LMAN2L: variants seen among roughly 807,000 people sequenced by gnomAD.
LMAN2L encodes lectin, mannose binding 2 like, also known as VIP36-like protein.
A neutral mutation model predicts 44.3 loss-of-function variants in LMAN2L; 30 were observed. The observed-to-expected ratio is 0.68, with a 90% CI of 0.51 to 0.92. LMAN2L has a LOEUF of 0.92. LMAN2L is among the 40% of genes least tolerant of loss of function. The pLI, the probability that LMAN2L is intolerant of heterozygous loss-of-function variation, is 0.00. For missense variants in LMAN2L, 429 were observed against 446.1 expected, an observed-to-expected ratio of 0.96 and a Z score of 0.35; for synonymous variants, 183 against 171.1, an observed-to-expected ratio of 1.07 and a Z score of -0.54.
chr2:96,728,043 G>A (rs902556151), intron 4 of LMAN2L, among the ~76,000 whole-genome samples: 1 of 152,196 alleles, frequency 6.6e-6, no homozygotes, highest in Non-Finnish European at 1.5e-5. Context: ...AAAGTGCTTA[G>A]AACAATGCCT....
intron 4 of LMAN2L, chr2:96,712,995 G>A (rs1474010493): frequency 5.8e-6 from 5 of 856,746 alleles, no homozygotes; most frequent in Non-Finnish European, 7.6e-6. Context: ...AGATGCAGTC[G>A]AGACCAGAGA....
In LMAN2L at chr2:96,728,316, G is replaced by A. The variant is rs571112450; in HGVS notation, c.507+5203C>T. 4.6e-5 allele frequency among the ~76,000 whole-genome samples: 7 copies of A among 151,990 alleles called. No homozygotes were observed. In the East Asian group the frequency reaches 9.7e-4, roughly 21 times the overall value. ...GATCGAGACCATCCTGGCCAACACG[G>A]TGAAAACCCGTCTCTACTAAAAATA... is the stretch of plus-strand genomic sequence containing the variant. On this transcript the variant is annotated intron_variant, in intron 4 of 7. Transcript: ENST00000264963.
At chr2:96,732,180 T>C (rs2078412960) in intron 4 of LMAN2L, among the ~76,000 whole-genome samples, 1 of 151,218 alleles carries the variant, frequency 6.6e-6, no homozygotes, top group African/African-American at 2.4e-5. Context: ...TTTGAAAATT[T>C]TCATAATAAA....
intron 4 of LMAN2L, among the ~76,000 whole-genome samples, chr2:96,729,821 T>C (rs544278505): frequency 6.6e-6 from 1 of 152,244 alleles, no homozygotes; most frequent in East Asian, 1.9e-4. Context: ...TTTAGTTTTA[T>C]AAGGATAAAA....
At position 96,721,774 on chromosome 2, in the gene LMAN2L, C is replaced by T. The variant is rs1432533737; in HGVS notation, c.508-9749G>A. On this transcript the variant is annotated intron_variant, in intron 4 of 7. Coordinates refer to ENST00000264963, the MANE Select transcript of LMAN2L (RefSeq NM_030805.4). ...GGATTATAGGCACGAGCCACCACAC[C>T]CAGTGATACTTATTTTCATTGCTGA... is the stretch of plus-strand genomic sequence containing the variant. 2.0e-5 allele frequency among the ~76,000 whole-genome samples: 3 copies of T among 152,026 alleles called. No homozygotes were observed. The East Asian group carries it at 5.8e-4, about 29-fold the overall frequency.
At chr2:96,719,481 G>A (rs2078105765) in intron 4 of LMAN2L, among the ~76,000 whole-genome samples, 1 of 151,974 alleles carries the variant, frequency 6.6e-6, no homozygotes, top group Admixed American at 6.6e-5. Flanking sequence ...GAGTGTGGTG[G>A]CTCATGCCTG....
At position 96,711,722 on chromosome 2, in the gene LMAN2L, C is replaced by T. The variant is rs2153321570; in HGVS notation, c.718G>A (p.Val240Met). Residue 240 changes from valine to methionine, a missense_variant, in exon 6 of 8, where the codon GTG (valine) becomes ATG (methionine). Coordinates refer to ENST00000264963, the MANE Select transcript of LMAN2L (RefSeq NM_030805.4). Reference sequence around the variant, plus strand: ...CCGCGGGGCAGGCGGACTCCGGGCACTTCAATGCAGTCCCTCCACTCATGC... The same window carrying T: ...CCGCGGGGCAGGCGGACTCCGGGCATTTCAATGCAGTCCCTCCACTCATGC... ...GKHEWRDCIE[V>M]PGVRLPRGYY... 6 of 1,614,188 alleles carry T rather than the reference C, an allele frequency of 3.7e-6. No individual in the cohort carries two copies. Among genetic ancestry groups the T allele is most frequent in the Non-Finnish European group, 5.1e-6 (6 of 1,180,026 alleles).
chr2:96,739,227 A>G (rs1196288229), intron 1 of LMAN2L, among the ~76,000 whole-genome samples: 5 of 152,224 alleles, frequency 3.3e-5, no homozygotes, highest in African/African-American at 1.2e-4. Flanking sequence ...ATACTCTTGC[A>G]CTTTGAATTG....
At chr2:96,734,793 T>C (rs1273838670) in intron 2 of LMAN2L, 7 of 434,528 alleles carry the variant, frequency 1.6e-5, no homozygotes, top group Admixed American at 7.3e-5. Context: ...AACTCCAAAG[T>C]TGGAAAAGAC....
chr2:96,736,086 C>G (rs2078509569), intron 2 of LMAN2L, among the ~76,000 whole-genome samples: 1 of 152,128 alleles, frequency 6.6e-6, no homozygotes, highest in African/African-American at 2.4e-5. Context: ...GTATTATGCC[C>G]CTGGGAAGAG....
intron 4 of LMAN2L, among the ~76,000 whole-genome samples, chr2:96,732,044 G>C (rs558270428): frequency 6.6e-6 from 1 of 151,850 alleles, no homozygotes; most frequent in African/African-American, 2.4e-5. Flanking sequence ...GTGGAGACAG[G>C]GTTTCATAAT....
Position 96,710,657 on chromosome 2 carries a change from C to CAT in LMAN2L, c.784+997_784+998dup, listed in dbSNP as rs1274275005. ...CCAGCCTGGCGACAGAGCGAGACTC[C>CAT]ATATATATATATAAAAAAAAATCCA... On this transcript the variant is annotated intron_variant, in intron 6 of 7. Coordinates refer to ENST00000264963, the MANE Select transcript of LMAN2L (RefSeq NM_030805.4). 1.1e-3 allele frequency among the ~76,000 whole-genome samples: 151 copies of CAT among 138,054 alleles called. 1 individual carries two copies. Among genetic ancestry groups the CAT allele is most frequent in the African/African-American group, 3.5e-3 (142 of 40,368 alleles). The allele number at this position is 138,054 out of a possible 152,430, so 90.6% of individuals were successfully genotyped here.
chr2:96,739,927 C>G lies in LMAN2L; in HGVS notation c.114G>C (p.Gly38=), dbSNP rs368003810. 7 of 1,614,016 alleles carry G rather than the reference C, an allele frequency of 4.3e-6. No individual in the cohort carries two copies. The highest frequency in any genetic ancestry group is 5.1e-6 in the Non-Finnish European group (6 of 1,180,046). The change falls in exon 1 of 8, where the codon GGG becomes GGC. Residue 38 remains glycine, a synonymous_variant. Transcript: ENST00000264963. Reference sequence around the variant, plus strand: ...TTTGACCCGCCCCGACTTGCTGTGGCCCCTGCCCAGACCCCAACAAAAGAA... The same window carrying G: ...TTTGACCCGCCCCGACTTGCTGTGGGCCCTGCCCAGACCCCAACAAAAGAA... ...LLLLLLGSGQ[G]PQQVGAGQTF...
At chr2:96,723,621 G>A (rs1322204895) in intron 4 of LMAN2L, among the ~76,000 whole-genome samples, 1 of 151,968 alleles carries the variant, frequency 6.6e-6, no homozygotes, top group African/African-American at 2.4e-5. Context: ...GAATCAATCC[G>A]ATATTTTTTT....
intron 6 of LMAN2L, among the ~76,000 whole-genome samples, chr2:96,710,992 T>A (rs557406457): frequency 6.6e-6 from 1 of 151,956 alleles, no homozygotes; most frequent in Non-Finnish European, 1.5e-5. Context: ...CAAGAGGAGA[T>A]GGAAAAGTAA....
In LMAN2L at chr2:96,733,499, GC is replaced by G; in HGVS notation, c.507+19del. 1 of 1,580,062 alleles carries G rather than the reference GC, an allele frequency of 6.3e-7. No homozygotes were observed. The highest frequency in any genetic ancestry group is 8.7e-7 in the Non-Finnish European group (1 of 1,149,198). ...TGTGATGTCAGTGTAGCTGACCTAG[GC>G]TCTGACACTTGCCATTACCTCTTGC... On this transcript the variant is annotated intron_variant, in intron 4 of 7. Transcript: ENST00000264963.
At chr2:96,710,250 G>C (rs1228718764) in intron 6 of LMAN2L, among the ~76,000 whole-genome samples, 3 of 152,192 alleles carry the variant, frequency 2.0e-5, no homozygotes, top group Non-Finnish European at 4.4e-5. Flanking sequence ...CTACATAGGT[G>C]TAAATATTTG....
chr2:96,711,874 C>T lies in LMAN2L; in HGVS notation c.659G>A (p.Arg220Lys). 2.5e-6 allele frequency: 4 copies of T among 1,614,182 alleles called. No individual in the cohort carries two copies. The highest frequency in any genetic ancestry group is 3.4e-6 in the Non-Finnish European group (4 of 1,180,034). The change falls in exon 5 of 8, where the codon AGG becomes AAG. Residue 220 changes from arginine to lysine, a missense_variant. By Grantham distance (26) the Arg-to-Lys change is conservative. Transcript: ENST00000264963. ...GACAAGGACTCTCACCGTCAAATGC[C>T]TCTTGACGTAGCGAATCACCAGGAA... Reference protein sequence around the residue: ...DTFLVIRYVKRHLTIMMDIDG... With the variant: ...DTFLVIRYVKKHLTIMMDIDG...
chr2:96,709,589 T>A (rs1195387954), intron 6 of LMAN2L, among the ~76,000 whole-genome samples: 1 of 152,302 alleles, frequency 6.6e-6, no homozygotes, highest in Non-Finnish European at 1.5e-5. Context: ...ACTGGATTCA[T>A]CTTCTGTTGG....
Sources: allele counts gnomAD v4.1 joint callset (sites outside exome capture counted in the v4.1 genomes callset), GRCh38; gene constraint gnomAD v4.1.1; transcripts MANE v1.5; gene names NCBI Gene and HGNC (gene_info 2026-07-23, HGNC 2026-07-21).